NELL1: variants seen among roughly 807,000 people sequenced by gnomAD.
The protein encoded by NELL1 is protein kinase C-binding protein NELL1.
NELL1 carries 76 observed loss-of-function variants against 107.4 expected under a neutral mutation model. The ratio of observed to expected loss-of-function variants is 0.71; its 90% confidence interval spans 0.59 to 0.86. NELL1 has a LOEUF of 0.86. Among genes scored for constraint, NELL1 ranks in the 40% least tolerant of loss-of-function variants. The pLI is 0.00. For missense variants in NELL1, 1,024 were observed against 1,005.5 expected (o/e 1.02, Z -0.25); for synonymous variants, 353 against 341.2 (o/e 1.03, Z -0.38).
chr11:21,227,513 A>G (rs1857925602), intron 13 of NELL1, among the ~76,000 whole-genome samples: 1 of 152,228 alleles, frequency 6.6e-6, no homozygotes, highest in Non-Finnish European at 1.5e-5. Context: ...AAATGAATTT[A>G]AAGAAGGAGG....
At chr11:21,116,400 CT>C (rs1270028332) in intron 13 of NELL1, among the ~76,000 whole-genome samples, 1 of 151,910 alleles carries the variant, frequency 6.6e-6, no homozygotes, top group African/African-American at 2.4e-5. Flanking sequence ...AATCTTAGAG[CT>C]TTAATAGTAT....
chr11:21,356,819 C>T (rs1183588285), intron 14 of NELL1, among the ~76,000 whole-genome samples: 1 of 152,140 alleles, frequency 6.6e-6, no homozygotes, highest in African/African-American at 2.4e-5. Context: ...CTCCTTCATC[C>T]TGCATCCCCA....
intron 15 of NELL1, among the ~76,000 whole-genome samples, chr11:21,395,184 A>C (rs915500962): frequency 7.3e-5 from 11 of 151,512 alleles, no homozygotes; most frequent in African/African-American, 2.7e-4. Flanking sequence ...AGGAAGGAGA[A>C]ATCTAGAAGA....
chr11:20,789,292 C>G (rs1857029362), intron 3 of NELL1, among the ~76,000 whole-genome samples: 1 of 152,142 alleles, frequency 6.6e-6, no homozygotes, highest in South Asian at 2.1e-4. Flanking sequence ...GGGGTCTGGC[C>G]CCTGCACATT....
intron 4 of NELL1, 61 bp downstream of exon 4, chr11:20,847,814 GA>G (rs1467823845): frequency 2.7e-6 from 4 of 1,486,060 alleles, no homozygotes; most frequent in South Asian, 1.3e-5. Flanking sequence ...TGGAAAAGGG[GA>G]AAAAATATCA....
chr11:21,224,558 T>C lies in NELL1; in HGVS notation c.1427-4774T>C, dbSNP rs546380398. Among the ~76,000 whole-genome samples the C allele has an allele frequency of 2.0e-5, 3 of 152,302 alleles. No individual in the cohort carries two copies. In the East Asian group the frequency reaches 5.8e-4, roughly 29 times the overall value. On this transcript the variant is annotated intron_variant, in intron 13 of 19. Coordinates refer to ENST00000357134, the MANE Select transcript of NELL1 (RefSeq NM_006157.5). ...TTAAAAATAGGTTTTCTATGCCATT[T>C]CCCATCTTTTCTTCTTAGAACTTCC...
At chr11:20,774,872 T>C (rs753239999) in intron 2 of NELL1, among the ~76,000 whole-genome samples, 26 of 151,976 alleles carry the variant, frequency 1.7e-4, no homozygotes, top group Non-Finnish European at 2.6e-4. Context: ...GAGTACACCT[T>C]GGGGTTCTCA....
At chr11:20,671,854 G>A (rs1330098947) in intron 1 of NELL1, among the ~76,000 whole-genome samples, 1 of 152,150 alleles carries the variant, frequency 6.6e-6, no homozygotes, top group Non-Finnish European at 1.5e-5. Flanking sequence ...ATTCTAGGGA[G>A]GAGTGGTGGT....
At chr11:20,945,950 A>G (rs1024754418) in intron 10 of NELL1, among the ~76,000 whole-genome samples, 5 of 152,220 alleles carry the variant, frequency 3.3e-5, no homozygotes, top group Non-Finnish European at 7.3e-5. Context: ...AATAAAGATA[A>G]AAGGAGAAGA....
At chr11:21,507,649 AG>A (rs1305067833) in intron 15 of NELL1, among the ~76,000 whole-genome samples, 1 of 152,184 alleles carries the variant, frequency 6.6e-6, no homozygotes, top group African/African-American at 2.4e-5. Context: ...GTATGCAGTT[AG>A]GAAAAGAACC....
In NELL1 at chr11:21,121,459, A is replaced by C. The variant is rs530113849; in HGVS notation, c.1426+7745A>C. Among the ~76,000 whole-genome samples the C allele has an allele frequency of 8.5e-5, 13 of 152,254 alleles. No individual in the cohort carries two copies. In the South Asian group the frequency reaches 2.7e-3, roughly 32 times the overall value. On this transcript the variant is annotated intron_variant, in intron 13 of 19. Transcript: ENST00000357134. Reference sequence around the variant, plus strand: ...TCTTTAACTGTGACATTGCTGCTGCATTGCCTGAAAGCGCCCTAAAGACAA... The same window carrying C: ...TCTTTAACTGTGACATTGCTGCTGCCTTGCCTGAAAGCGCCCTAAAGACAA...
intron 3 of NELL1, among the ~76,000 whole-genome samples, chr11:20,836,685 C>T (rs1464458563): frequency 6.6e-6 from 1 of 151,530 alleles, no homozygotes; most frequent in Admixed American, 6.6e-5. Flanking sequence ...GTGAAAGAAC[C>T]CAATCTGAAA....
intron 13 of NELL1, among the ~76,000 whole-genome samples, chr11:21,161,751 T>C (rs1856375459): frequency 6.6e-6 from 1 of 152,022 alleles, no homozygotes. Flanking sequence ...AACTTTTTAT[T>C]AATATAGAAT....
chr11:21,333,474 T>C (rs983821550), intron 14 of NELL1, among the ~76,000 whole-genome samples: 1 of 152,104 alleles, frequency 6.6e-6, no homozygotes, highest in African/African-American at 2.4e-5. Context: ...TGAAGTCATA[T>C]GATCTAGCCT....
chr11:21,372,740 A>G (rs1017924150), intron 15 of NELL1, among the ~76,000 whole-genome samples: 3 of 151,984 alleles, frequency 2.0e-5, no homozygotes, highest in Non-Finnish European at 4.4e-5. Flanking sequence ...ATATTTAACC[A>G]TAGCAACTAC....
Position 20,970,884 on chromosome 11 carries a change from A to G in NELL1, c.1300+10324A>G, listed in dbSNP as rs150251637. Among the ~76,000 whole-genome samples, 15 of 152,292 alleles carry G rather than the reference A, an allele frequency of 9.8e-5. No individual in the cohort carries two copies. The East Asian group carries it at 2.9e-3, about 29-fold the overall frequency. The stretch of plus-strand genomic sequence containing the variant: ...CCATTGGGTTATGGAAAAAAAAATT[A>G]GAACTTTTATTTATGCTTATTTTCA... On this transcript the variant is annotated intron_variant, in intron 12 of 19. Transcript: ENST00000357134.
At chr11:21,059,265 GT>G (rs59203638) in intron 12 of NELL1, among the ~76,000 whole-genome samples, 80,692 of 142,926 alleles carry the variant, frequency 0.56, 22,503 homozygotes, top group East Asian at 0.8. Context: ...GTTTTGTTTT[GT>G]TTTTTTTTTT....
At chr11:21,041,753 G>C (rs11605578) in intron 12 of NELL1, among the ~76,000 whole-genome samples, 18,460 of 152,220 alleles carry the variant, frequency 0.12, 1,268 homozygotes, top group South Asian at 0.24. Context: ...AACAAAATCA[G>C]GTGTATAGTG....
At chr11:20,860,850 G>A (rs1848965452) in intron 4 of NELL1, among the ~76,000 whole-genome samples, 1 of 152,188 alleles carries the variant, frequency 6.6e-6, no homozygotes, top group African/African-American at 2.4e-5. Flanking sequence ...TACAGATAGA[G>A]TACAAACATA....
Sources: allele counts gnomAD v4.1 joint callset (sites outside exome capture counted in the v4.1 genomes callset), GRCh38; gene constraint gnomAD v4.1.1; transcripts MANE v1.5; gene names NCBI Gene and HGNC (gene_info 2026-07-23, HGNC 2026-07-21).